Variants in PPARGC1A observed in about 807,000 individuals in gnomAD.
PPARGC1A encodes peroxisome proliferator-activated receptor gamma coactivator 1-alpha.
In PPARGC1A, 25 loss-of-function variants were observed where a neutral mutation model predicts 88.7. The ratio of observed to expected loss-of-function variants is 0.28; its 90% CI spans 0.21 to 0.39. The LOEUF (loss-of-function observed/expected upper bound fraction) is 0.39, where lower values mean the gene tolerates loss of function less well. Among genes scored for constraint, PPARGC1A ranks in the 10% least tolerant of loss-of-function variants. PPARGC1A has a pLI of 1.00. For synonymous variants in PPARGC1A, 363 were observed against 355.6 expected, an observed-to-expected ratio of 1.02 and a Z score of -0.24; for missense variants, 880 against 968.7, an observed-to-expected ratio of 0.91 and a Z score of 1.22.
chr4:24,213,997 C>T, the PPARGC1A span, among the ~76,000 whole-genome samples: 7 of 152,266 alleles, frequency 4.6e-5, no homozygotes, highest in African/African-American at 1.4e-4. Context: ...CAACATAAAG[C>T]GAAGCAGTTC....
chr4:24,316,761 C>G, the PPARGC1A span, among the ~76,000 whole-genome samples: 1 of 152,188 alleles, frequency 6.6e-6, no homozygotes, highest in East Asian at 1.9e-4. Flanking sequence ...AATGACATCG[C>G]ATATGTAACT....
chr4:24,161,961 T>TACACACACACAC, the PPARGC1A span, among the ~76,000 whole-genome samples: 1 of 133,862 alleles, frequency 7.5e-6, no homozygotes, highest in Non-Finnish European at 1.6e-5. Context: ...AATTGTGATA[T>TACACACACACAC]ACACACACAC....
the PPARGC1A span, among the ~76,000 whole-genome samples, chr4:23,995,111 CTG>C: frequency 5.3e-5 from 8 of 152,240 alleles, no homozygotes; most frequent in East Asian, 5.8e-4. Context: ...GTGGTACTGA[CTG>C]TATCAAAACT....
At chr4:24,247,570 T>C in the PPARGC1A span, among the ~76,000 whole-genome samples, 1 of 152,190 alleles carries the variant, frequency 6.6e-6, no homozygotes, top group Admixed American at 6.5e-5. Context: ...GCCAAAGAGA[T>C]CAGCTATACA....
At chr4:24,219,473 TGTCACTGCCTGC>T in the PPARGC1A span, among the ~76,000 whole-genome samples, 5 of 152,216 alleles carry the variant, frequency 3.3e-5, no homozygotes, top group Admixed American at 6.5e-5. Flanking sequence ...GTCATTTTTC[TGTCACTGCCTGC>T]GTCACTGCCT....
At chr4:24,247,466 A>C in the PPARGC1A span, among the ~76,000 whole-genome samples, 16 of 152,180 alleles carry the variant, frequency 1.1e-4, no homozygotes, top group South Asian at 2.1e-4. Context: ...TTGGTTTTCT[A>C]TTCCAGCTTA....
the PPARGC1A span, among the ~76,000 whole-genome samples, chr4:23,973,261 T>C: frequency 6.6e-6 from 1 of 152,220 alleles, no homozygotes; most frequent in Non-Finnish European, 1.5e-5. Flanking sequence ...TTAGCTACAA[T>C]ATCAGGTTCT....
At chr4:24,406,498 G>A in the PPARGC1A span, among the ~76,000 whole-genome samples, 1 of 152,206 alleles carries the variant, frequency 6.6e-6, no homozygotes, top group Non-Finnish European at 1.5e-5. Flanking sequence ...TTGGAATTAT[G>A]CTGATTTAAG....
At chr4:24,272,069 G>T in the PPARGC1A span, among the ~76,000 whole-genome samples, 1 of 151,938 alleles carries the variant, frequency 6.6e-6, no homozygotes, top group Non-Finnish European at 1.5e-5. Context: ...AAACGCATTG[G>T]GTTTTCTCCT....
the PPARGC1A span, among the ~76,000 whole-genome samples, chr4:23,966,861 G>C: frequency 6.6e-6 from 1 of 152,140 alleles, no homozygotes; most frequent in Non-Finnish European, 1.5e-5. Context: ...TCAGAGGAGA[G>C]GGCTTCTGTC....
chr4:24,374,426 A>T, the PPARGC1A span, among the ~76,000 whole-genome samples: 5 of 152,080 alleles, frequency 3.3e-5, no homozygotes, highest in African/African-American at 1.2e-4. Flanking sequence ...GGAAGGAGGG[A>T]GAGGATCAGG....
At chr4:24,010,605 T>C in the PPARGC1A span, among the ~76,000 whole-genome samples, 1 of 152,170 alleles carries the variant, frequency 6.6e-6, no homozygotes, top group East Asian at 1.9e-4. Context: ...AAAGTAGTCA[T>C]GCACATCAAA....
chr4:24,361,950 A>G, the PPARGC1A span, among the ~76,000 whole-genome samples: 4 of 152,238 alleles, frequency 2.6e-5, no homozygotes, highest in African/African-American at 4.8e-5. Context: ...AGAGTTTCCC[A>G]TATGGGAAAT....
At chr4:24,103,610 A>AAG in the PPARGC1A span, among the ~76,000 whole-genome samples, 10 of 151,512 alleles carry the variant, frequency 6.6e-5, no homozygotes, top group African/African-American at 2.2e-4. Flanking sequence ...AAAAAAAAAA[A>AAG]AGCCTCGTCA....
the PPARGC1A span, among the ~76,000 whole-genome samples, chr4:24,286,787 C>G: frequency 1.3e-5 from 2 of 152,128 alleles, no homozygotes; most frequent in African/African-American, 4.8e-5. Flanking sequence ...GGAATCAGAG[C>G]AGCGTAGGTG....
the PPARGC1A span, among the ~76,000 whole-genome samples, chr4:24,105,640 C>A: frequency 2.6e-4 from 40 of 152,154 alleles, no homozygotes; most frequent in East Asian, 7.6e-3. Flanking sequence ...CATGGACCAC[C>A]CTTATATAAT....
the PPARGC1A span, among the ~76,000 whole-genome samples, chr4:23,963,090 T>A: frequency 1.3e-5 from 2 of 152,098 alleles, no homozygotes; most frequent in Non-Finnish European, 2.9e-5. Flanking sequence ...ATCTGCAAAG[T>A]GACATTTTGT....
the PPARGC1A span, among the ~76,000 whole-genome samples, chr4:23,980,943 C>A: frequency 1.3e-5 from 2 of 152,136 alleles, no homozygotes; most frequent in African/African-American, 4.8e-5. Context: ...TGACCGTGAA[C>A]TTGACAAACG....
chr4:24,336,443 T>A, the PPARGC1A span, among the ~76,000 whole-genome samples: 1 of 152,222 alleles, frequency 6.6e-6, no homozygotes, highest in African/African-American at 2.4e-5. Flanking sequence ...AATAAATACT[T>A]ACTGAAAATA....
Sources: gnomAD v4.1 joint callset for allele counts (sites outside exome capture counted in the v4.1 genomes callset) on GRCh38, gnomAD v4.1.1 for gene constraint, MANE v1.5 for transcripts, NCBI Gene and HGNC (gene_info 2026-07-23, HGNC 2026-07-21) for gene names.